The following ASIC2 variants were observed in gnomAD, a reference collection of about 807,000 sequenced individuals.
The protein encoded by ASIC2 is acid sensing ion channel subunit 2.
In ASIC2, 25 loss-of-function variants were observed where a neutral mutation model predicts 57.3. The observed-to-expected ratio is 0.44, with a 90% CI of 0.32 to 0.61. The LOEUF (loss-of-function observed/expected upper bound fraction) is 0.61. Among genes scored for constraint, ASIC2 ranks in the 20% least tolerant of loss-of-function variants. The probability of loss-of-function intolerance (pLI) is 0.06; values close to 1 mark genes in which losing one functional copy is unlikely to be tolerated. For missense variants in ASIC2, 641 were observed against 738.1 expected (o/e 0.87, Z 1.52); for synonymous variants, 319 against 307.5 (o/e 1.04, Z -0.39).
intron 1 of ASIC2, among the ~76,000 whole-genome samples, chr17:33,762,963 G>T (rs980593998): frequency 3.3e-5 from 5 of 152,176 alleles, no homozygotes; most frequent in Admixed American, 3.3e-4. Context: ...TAAGCTGGTA[G>T]AGTAGGCCCC....
At chr17:33,963,986 G>A (rs1225794901) in intron 1 of ASIC2, among the ~76,000 whole-genome samples, 1 of 152,178 alleles carries the variant, frequency 6.6e-6, no homozygotes, top group African/African-American at 2.4e-5. Flanking sequence ...TTGAGCTTCA[G>A]TCTCCTTTGT....
Position 33,770,134 on chromosome 17 carries a change from C to T in ASIC2, c.555+385844G>A, listed in dbSNP as rs565499706. Among the ~76,000 whole-genome samples, 134 of 152,336 alleles carry T rather than the reference C, an allele frequency of 8.8e-4. 1 individual carries two copies. The highest frequency in any genetic ancestry group is 3.0e-3 in the African/African-American group (126 of 41,574). On this transcript the variant is annotated intron_variant, in intron 1 of 9. Transcript: ENST00000359872. ...TCTCCATGAATCCAGCTGCTTGTAT[C>T]ACTCTTCATCTCACCCAGCTCTGTG...
At chr17:33,737,440 T>A (rs760406209) in intron 1 of ASIC2, among the ~76,000 whole-genome samples, 2 of 151,876 alleles carry the variant, frequency 1.3e-5, no homozygotes, top group Non-Finnish European at 2.9e-5. Context: ...ATGGGATATC[T>A]TGGGAATGGT....
chr17:34,144,796 T>G (rs559544931), intron 1 of ASIC2, among the ~76,000 whole-genome samples: 2 of 152,302 alleles, frequency 1.3e-5, no homozygotes, highest in African/African-American at 4.8e-5. Context: ...CCAGAGCTCT[T>G]CATTCTTCCA....
chr17:33,301,330 C>G (rs1487825357), intron 1 of ASIC2, among the ~76,000 whole-genome samples: 3 of 152,022 alleles, frequency 2.0e-5, no homozygotes, highest in African/African-American at 7.3e-5. Context: ...TGTGAGCCAC[C>G]ACGCCTGGCC....
At chr17:33,477,305 T>A (rs1038108560) in intron 1 of ASIC2, among the ~76,000 whole-genome samples, 1 of 152,220 alleles carries the variant, frequency 6.6e-6, no homozygotes, top group African/African-American at 2.4e-5. Flanking sequence ...CTTCATTTTT[T>A]AAAATTTCTA....
At chr17:33,849,297 G>T (rs911523902) in intron 1 of ASIC2, among the ~76,000 whole-genome samples, 1 of 152,166 alleles carries the variant, frequency 6.6e-6, no homozygotes, top group Non-Finnish European at 1.5e-5. Flanking sequence ...CTTGCTGTCC[G>T]CTATTAGCAG....
intron 1 of ASIC2, among the ~76,000 whole-genome samples, chr17:33,244,161 T>C (rs1416086934): frequency 8.5e-5 from 13 of 152,222 alleles, no homozygotes; most frequent in Admixed American, 8.5e-4. Context: ...TAAGGAAGTG[T>C]AGGGACATGC....
intron 1 of ASIC2, among the ~76,000 whole-genome samples, chr17:33,381,884 G>T (rs1373637271): frequency 1.3e-5 from 2 of 152,120 alleles, no homozygotes; most frequent in African/African-American, 4.8e-5. Context: ...TTTGTTCTGA[G>T]GGTTACTGTA....
At chr17:33,284,406 C>T (rs1231730216) in intron 1 of ASIC2, among the ~76,000 whole-genome samples, 1 of 152,116 alleles carries the variant, frequency 6.6e-6, no homozygotes, top group African/African-American at 2.4e-5. Context: ...GGCAGATTCT[C>T]CTCCATAGAT....
intron 1 of ASIC2, among the ~76,000 whole-genome samples, chr17:33,460,724 A>T (rs1912607027): frequency 6.6e-6 from 1 of 152,224 alleles, no homozygotes; most frequent in Non-Finnish European, 1.5e-5. Context: ...AAGCCCTCAG[A>T]TGACCCAGTG....
intron 1 of ASIC2, among the ~76,000 whole-genome samples, chr17:33,826,335 G>C (rs36079091): frequency 6.6e-6 from 1 of 152,276 alleles, no homozygotes; most frequent in South Asian, 2.1e-4. Context: ...GATGGAGGGC[G>C]CAGAGACATC....
chr17:33,329,430 C>A (rs1469148501), intron 1 of ASIC2, among the ~76,000 whole-genome samples: 1 of 152,124 alleles, frequency 6.6e-6, no homozygotes, highest in Non-Finnish European at 1.5e-5. Context: ...GATAAGGAGG[C>A]CTGAGCTAAT....
chr17:33,036,097 G>A (rs73275803), intron 3 of ASIC2, among the ~76,000 whole-genome samples: 1,581 of 152,252 alleles, frequency 0.01, 34 homozygotes, highest in African/African-American at 0.037. Flanking sequence ...TTTGTCCACA[G>A]TTTATGATTG....
intron 1 of ASIC2, among the ~76,000 whole-genome samples, chr17:34,052,294 T>C (rs1303709319): frequency 6.6e-6 from 1 of 152,202 alleles, no homozygotes; most frequent in Non-Finnish European, 1.5e-5. Flanking sequence ...ATACGGCATT[T>C]AGTGCCACCT....
chr17:33,636,918 C>T (rs772193999), intron 1 of ASIC2, among the ~76,000 whole-genome samples: 2 of 151,978 alleles, frequency 1.3e-5, no homozygotes, highest in Admixed American at 1.3e-4. Flanking sequence ...ACAATTCTCT[C>T]CAGCTTTGAA....
At chr17:33,777,022 C>T (rs535959613) in intron 1 of ASIC2, among the ~76,000 whole-genome samples, 8 of 152,288 alleles carry the variant, frequency 5.3e-5, no homozygotes, top group East Asian at 3.9e-4. Flanking sequence ...ACCACCAAGC[C>T]GATGTCTGCC....
intron 1 of ASIC2, among the ~76,000 whole-genome samples, chr17:33,443,410 T>A (rs1011658800): frequency 2.3e-4 from 25 of 107,090 alleles, no homozygotes; most frequent in Non-Finnish European, 5.0e-4. Flanking sequence ...GGTAAGATTT[T>A]TTTTTTTTTT....
chr17:33,995,857 T>C (rs188384648), intron 1 of ASIC2, among the ~76,000 whole-genome samples: 2 of 152,170 alleles, frequency 1.3e-5, no homozygotes, highest in Non-Finnish European at 2.9e-5. Context: ...TATTTACCTA[T>C]TTTTGGATAT....
Sources: gnomAD v4.1 joint callset for allele counts (sites outside exome capture counted in the v4.1 genomes callset) on GRCh38, gnomAD v4.1.1 for gene constraint, MANE v1.5 for transcripts, NCBI Gene and HGNC (gene_info 2026-07-23, HGNC 2026-07-21) for gene names.